ATP8B4: variants seen among roughly 807,000 people sequenced by gnomAD.
ATP8B4 encodes the protein ATPase phospholipid transporting 8B4 (putative), also known as probable phospholipid-transporting ATPase IM.
A neutral mutation model predicts 145.6 loss-of-function variants in ATP8B4; 133 were observed. That is an observed-to-expected ratio of 0.91 (90% confidence interval 0.79 to 1.05). The LOEUF (loss-of-function observed/expected upper bound fraction) is 1.05. Ranked by LOEUF, ATP8B4 falls within the 50% of genes least tolerant of loss-of-function variation. The pLI, the probability that ATP8B4 is intolerant of heterozygous loss-of-function variation, is 0.00. For missense variants in ATP8B4, 1,458 were observed against 1,425.2 expected (o/e 1.02, Z -0.37); for synonymous variants, 507 against 492.9 (o/e 1.03, Z -0.38).
chr15:49,897,055 T>G, intron 23 of ATP8B4: 1 of 458,924 alleles, frequency 2.2e-6, no homozygotes, highest in Non-Finnish European at 3.9e-6. Flanking sequence ...GAAGGAGTAC[T>G]CACTGGTTGA....
At position 50,085,932 on chromosome 15, in the gene ATP8B4, T is replaced by TATACGTATATATGATATATATC. The variant is rs1567330954; in HGVS notation, c.29-11748_29-11747insGATATATATCATATATACGTAT. Among the ~76,000 whole-genome samples, 29 of 45,450 alleles carry TATACGTATATATGATATATATC rather than the reference T, an allele frequency of 6.4e-4. 1 individual carries two copies. The highest frequency in any genetic ancestry group is 2.2e-3 in the African/African-American group (29 of 13,416). The allele number at this position is 45,450 out of a possible 152,430, so 29.8% of individuals were successfully genotyped here. A position where few individuals can be genotyped will look rare whatever the true frequency, so the allele number is the denominator to read the frequency against. On this transcript the variant is annotated intron_variant, in intron 2 of 27. Transcript: ENST00000284509. ...ATATTTATATATGATATATATCATA[T>TATACGTATATATGATATATATC]ATATTTATATATGATATATATCATA...
intron 2 of ATP8B4, among the ~76,000 whole-genome samples, chr15:50,082,507 G>A (rs1178726593): frequency 6.6e-6 from 1 of 152,224 alleles, no homozygotes; most frequent in Non-Finnish European, 1.5e-5. Context: ...TTGCTCATCA[G>A]ATCCAGATAG....
chr15:50,171,497 T>C (rs763236378), intron 1 of ATP8B4, among the ~76,000 whole-genome samples: 20 of 152,192 alleles, frequency 1.3e-4, no homozygotes, highest in Non-Finnish European at 2.4e-4. Flanking sequence ...TTAAAAATTC[T>C]TCTAACTGAA....
At chr15:50,078,159 A>G (rs1357003064) in intron 2 of ATP8B4, among the ~76,000 whole-genome samples, 1 of 151,828 alleles carries the variant, frequency 6.6e-6, no homozygotes, top group Non-Finnish European at 1.5e-5. Flanking sequence ...ACATAGATAT[A>G]TAGGTTTTTT....
intron 14 of ATP8B4, among the ~76,000 whole-genome samples, chr15:49,942,967 G>A (rs111383669): frequency 3.8e-4 from 58 of 151,968 alleles, no homozygotes; most frequent in African/African-American, 1.2e-3. Flanking sequence ...AGAAAATGAC[G>A]CATAAGCAAA....
At chr15:49,975,455 G>A (rs755118320) in intron 12 of ATP8B4, among the ~76,000 whole-genome samples, 15 of 152,056 alleles carry the variant, frequency 9.9e-5, no homozygotes, top group Non-Finnish European at 1.8e-4. Flanking sequence ...CTAATACAAT[G>A]TAAATGCTAT....
chr15:50,156,328 G>T (rs72737035), intron 1 of ATP8B4, among the ~76,000 whole-genome samples: 10 of 151,322 alleles, frequency 6.6e-5, no homozygotes, highest in Non-Finnish European at 1.3e-4. Context: ...CATTTATCTA[G>T]GCTTCTTTTC....
At chr15:49,960,514 G>T (rs1461231050) in intron 14 of ATP8B4, among the ~76,000 whole-genome samples, 1 of 151,980 alleles carries the variant, frequency 6.6e-6, no homozygotes, top group African/African-American at 2.4e-5. Context: ...AAATATATTT[G>T]GACTTATATT....
intron 20 of ATP8B4, among the ~76,000 whole-genome samples, chr15:49,910,702 T>G (rs2039137689): frequency 6.6e-6 from 1 of 152,184 alleles, no homozygotes; most frequent in Non-Finnish European, 1.5e-5. Context: ...ACATTCAAAG[T>G]GCTGAAAGAC....
chr15:50,048,554 A>C lies in ATP8B4; in HGVS notation c.88-1090T>G, dbSNP rs534985622. ...GAAACCCCCTCTCTACTACAAATAC[A>C]AAAATTAGCCAGGCATGGTGGTGCA... On this transcript the variant is annotated intron_variant, in intron 3 of 27. Coordinates refer to ENST00000284509, the MANE Select transcript of ATP8B4 (RefSeq NM_024837.4). Among the ~76,000 whole-genome samples, 9 of 152,048 alleles carry C rather than the reference A, an allele frequency of 5.9e-5. No homozygotes were observed. The South Asian group carries it at 1.9e-3, about 32-fold the overall frequency.
intron 6 of ATP8B4, among the ~76,000 whole-genome samples, chr15:50,035,705 G>A (rs1324492778): frequency 6.6e-6 from 1 of 152,180 alleles, no homozygotes; most frequent in Non-Finnish European, 1.5e-5. Flanking sequence ...CTGAAGCCCA[G>A]AAGGAAAATC....
chr15:50,098,192 G>T (rs950042934), intron 2 of ATP8B4, among the ~76,000 whole-genome samples: 2 of 147,314 alleles, frequency 1.4e-5, no homozygotes, highest in African/African-American at 5.0e-5. Flanking sequence ...TGTGTAAGCT[G>T]CCAAGAAAAA....
chr15:49,923,323 A>T, intron 17 of ATP8B4, 56 bp downstream of exon 17: 1 of 1,241,872 alleles, frequency 8.1e-7, no homozygotes, highest in South Asian at 1.3e-5. Context: ...AACAAGACCT[A>T]ACCATAGGAG....
chr15:50,003,274 ATGTGTGTGTG>A (rs10539979), intron 7 of ATP8B4, among the ~76,000 whole-genome samples: 1,954 of 141,170 alleles, frequency 0.014, 47 homozygotes, highest in African/African-American at 0.049. Context: ...TAGGGTGTGC[ATGTGTGTGTG>A]TGTGTGTGTG....
At chr15:50,110,239 G>A (rs1040903655) in intron 1 of ATP8B4, among the ~76,000 whole-genome samples, 27 of 152,062 alleles carry the variant, frequency 1.8e-4, no homozygotes, top group East Asian at 3.9e-4. Context: ...AAGTAACATC[G>A]AAAAAATAAG....
intron 23 of ATP8B4, among the ~76,000 whole-genome samples, chr15:49,890,925 T>C (rs555157120): frequency 6.6e-6 from 1 of 152,322 alleles, no homozygotes; most frequent in South Asian, 2.1e-4. Context: ...GAACACCTGC[T>C]CTAGAACAGG....
intron 3 of ATP8B4, among the ~76,000 whole-genome samples, chr15:50,068,804 G>C (rs1030457526): frequency 6.6e-6 from 1 of 152,124 alleles, no homozygotes; most frequent in African/African-American, 2.4e-5. Flanking sequence ...GAGAGAAGAA[G>C]AACCAACGAG....
intron 23 of ATP8B4, chr15:49,886,045 C>G (rs541908624): frequency 1.3e-5 from 2 of 152,130 alleles, no homozygotes; most frequent in Non-Finnish European, 2.9e-5. Context: ...TCCATGATGC[C>G]CCTATACCTC....
chr15:49,903,571 C>G (rs1209777595), intron 20 of ATP8B4, among the ~76,000 whole-genome samples: 2 of 152,190 alleles, frequency 1.3e-5, no homozygotes. Flanking sequence ...AGTCAGTCCT[C>G]TTAAGGCACT....
Sources: gnomAD v4.1 joint callset for allele counts (sites outside exome capture counted in the v4.1 genomes callset) on GRCh38, gnomAD v4.1.1 for gene constraint, MANE v1.5 for transcripts, NCBI Gene and HGNC (gene_info 2026-07-23, HGNC 2026-07-21) for gene names.